RHAG: variants seen among roughly 807,000 people sequenced by gnomAD.
RHAG encodes the protein Rh associated glycoprotein.
Under a neutral mutation model 42.4 loss-of-function variants are expected in RHAG, and 25 were observed. The observed-to-expected ratio is 0.59, with a 90% CI of 0.43 to 0.82. RHAG has a LOEUF of 0.82. RHAG is among the 40% of genes least tolerant of loss of function. The pLI is 0.00. For missense variants in RHAG, 483 were observed against 504.6 expected (o/e 0.96, Z 0.41); for synonymous variants, 182 against 177.7 (o/e 1.02, Z -0.19).
chr6:49,607,067 A>T, intron 8 of RHAG, 83 bp downstream of exon 8: 1 of 1,327,416 alleles, frequency 7.5e-7, no homozygotes, highest in Non-Finnish European at 1.1e-6. Context: ...TTTTGAATTT[A>T]GCAATTGACT....
chr6:49,629,843 T>A (rs1436390436), intron 1 of RHAG, among the ~76,000 whole-genome samples: 1 of 142,918 alleles, frequency 7.0e-6, no homozygotes, highest in Non-Finnish European at 1.5e-5. Flanking sequence ...CTGCTCCGAG[T>A]GCGGGGCCCG....
intron 4 of RHAG, 97 bp downstream of exon 4, chr6:49,615,527 G>T: frequency 7.3e-7 from 1 of 1,365,446 alleles, no homozygotes; most frequent in Non-Finnish European, 1.0e-6. Flanking sequence ...TGCCTGGCTT[G>T]GATGTTCTTT....
rs181883330 is a variant in RHAG, at chr6:49,611,011, T to C, written c.1067+13A>G. On this transcript the variant is annotated intron_variant, in intron 7 of 9. Coordinates refer to ENST00000371175, the MANE Select transcript of RHAG (RefSeq NM_000324.3). ...GGGACCACAGGGGCTGAAAAACCCA[T>C]TCTTTTACTCACGTGTTGGAGGCGC... 3 of 1,613,724 alleles carry C rather than the reference T, an allele frequency of 1.9e-6. No individual in the cohort carries two copies. The highest frequency in any genetic ancestry group is 4.5e-5 in the East Asian group (2 of 44,864).
intron 1 of RHAG, among the ~76,000 whole-genome samples, chr6:49,620,560 G>A (rs559867233): frequency 4.6e-5 from 7 of 151,926 alleles, no homozygotes; most frequent in Admixed American, 3.3e-4. Flanking sequence ...GAGACAGAGC[G>A]AGACTCTGTC....
At chr6:49,626,293 G>A (rs143412672) in intron 1 of RHAG, among the ~76,000 whole-genome samples, 63 of 152,310 alleles carry the variant, frequency 4.1e-4, no homozygotes, top group African/African-American at 1.5e-3. Flanking sequence ...CCTAGACACA[G>A]TGGGGTTATA....
At chr6:49,632,982 A>G (rs6941100) in intron 1 of RHAG, among the ~76,000 whole-genome samples, 16 of 152,074 alleles carry the variant, frequency 1.1e-4, no homozygotes, top group Non-Finnish European at 1.9e-4. Flanking sequence ...ATCTCAGGGG[A>G]TATTCATGGC....
rs41304904 is a variant in RHAG at position 49,605,440 on chromosome 6, T to C, written c.*373A>G. The C allele has an allele frequency of 3.7e-6, 1 of 272,946 alleles. No homozygotes were observed. Among genetic ancestry groups the C allele is most frequent in the Non-Finnish European group, 7.1e-6 (1 of 141,004 alleles). 16.9% of individuals were successfully genotyped at this position (272,946 alleles called of 1,614,324 possible). ...TCTATTCTTGCTTCATGGGTTTCAGTTTTATAATTTTTGGGATTGAAGACA... is the reference window on the plus strand; with the variant it reads ...TCTATTCTTGCTTCATGGGTTTCAGCTTTATAATTTTTGGGATTGAAGACA... On this transcript the variant is annotated 3_prime_UTR_variant, in exon 10 of 10. Coordinates refer to ENST00000371175, the MANE Select transcript of RHAG (RefSeq NM_000324.3).
intron 3 of RHAG, 59 bp downstream of exon 3, chr6:49,618,009 T>A: frequency 6.5e-7 from 1 of 1,537,164 alleles, no homozygotes; most frequent in Admixed American, 1.7e-5. Context: ...CACCCATTGT[T>A]TTTTTGTAGC....
Position 49,607,132 on chromosome 6 carries a change from T to C in RHAG, c.1138+18A>G, listed in dbSNP as rs762945857. On this transcript the variant is annotated intron_variant, in intron 8 of 9. Coordinates refer to ENST00000371175, the MANE Select transcript of RHAG (RefSeq NM_000324.3). Reference sequence around the variant, plus strand: ...TGAGAGCATAAGATACAGGGAAGTGTTCACTTTTTATGCTGACCTGTCATC... The same window carrying C: ...TGAGAGCATAAGATACAGGGAAGTGCTCACTTTTTATGCTGACCTGTCATC... The C allele has an allele frequency of 1.4e-5, 22 of 1,600,172 alleles. No individual in the cohort carries two copies. The highest frequency in any genetic ancestry group is 1.9e-5 in the Non-Finnish European group (22 of 1,167,540).
chr6:49,618,392 A>G (rs1160713431), intron 2 of RHAG, among the ~76,000 whole-genome samples, 174 bp from the exon 3 acceptor site: 2 of 152,194 alleles, frequency 1.3e-5, no homozygotes, highest in African/African-American at 4.8e-5. Context: ...TCTAATGTAT[A>G]TATTTTAACT....
intron 1 of RHAG, among the ~76,000 whole-genome samples, chr6:49,636,165 T>C (rs1348197357): frequency 6.6e-6 from 1 of 152,122 alleles, no homozygotes; most frequent in Non-Finnish European, 1.5e-5. Flanking sequence ...AAACTCTGAG[T>C]ACACTTTTTT....
At chr6:49,630,969 C>T (rs972805795) in intron 1 of RHAG, among the ~76,000 whole-genome samples, 2 of 152,092 alleles carry the variant, frequency 1.3e-5, no homozygotes, top group African/African-American at 4.8e-5. Flanking sequence ...CTTTTCATTG[C>T]TGGTATTATT....
At chr6:49,616,372 A>AT (rs1762655924) in intron 3 of RHAG, among the ~76,000 whole-genome samples, 1 of 145,704 alleles carries the variant, frequency 6.9e-6, no homozygotes, top group African/African-American at 2.5e-5. Context: ...AAAAAAAAAA[A>AT]AAAGATACTG....
chr6:49,623,714 A>T (rs992795258), intron 1 of RHAG, among the ~76,000 whole-genome samples: 3 of 152,228 alleles, frequency 2.0e-5, no homozygotes, highest in Non-Finnish European at 4.4e-5. Flanking sequence ...GCTGTGGTGA[A>T]TAGGACAGCT....
In RHAG at chr6:49,614,808, A is replaced by G. The variant is rs1762627144; in HGVS notation, c.686T>C (p.Ile229Thr). 6.2e-7 allele frequency: 1 copy of G among 1,614,102 alleles called. No homozygotes were observed. The highest frequency in any genetic ancestry group is 1.3e-5 in the African/African-American group (1 of 74,944). Residue 229 changes from isoleucine (I) to threonine (T), a missense_variant, in exon 5 of 10, where the codon ATT becomes ACT. Physicochemically the swap from Ile to Thr is moderately conservative, Grantham distance 89 (BLOSUM62 -1). Transcript: ENST00000371175. ...GCACTGTTTGTCTCCAGGTTCAGCA[A>G]TGGCCGAGTTAAAGCTGGGCCAAAA... ...WMFWPSFNSA[I>T]AEPGDKQCRA...
intron 1 of RHAG, among the ~76,000 whole-genome samples, chr6:49,630,061 C>T (rs989913474): frequency 2.6e-5 from 4 of 152,198 alleles, no homozygotes; most frequent in African/African-American, 9.6e-5. Context: ...GCAGAGGAGG[C>T]GCCGAGAGCG....
At chr6:49,608,848 G>T (rs1484908978) in intron 7 of RHAG, among the ~76,000 whole-genome samples, 1 of 152,058 alleles carries the variant, frequency 6.6e-6, no homozygotes, top group Admixed American at 6.6e-5. Context: ...GATTATGAGT[G>T]AAGTTGAGTA....
intron 1 of RHAG, among the ~76,000 whole-genome samples, chr6:49,631,300 T>C (rs1242639313): frequency 6.6e-6 from 1 of 152,194 alleles, no homozygotes; most frequent in Non-Finnish European, 1.5e-5. Context: ...TGATTTTAGC[T>C]TCCATGATGA....
rs1324827449 is a variant in RHAG, at chr6:49,609,008, A to T, written c.1068-1788T>A. ...AACTTGGAAAACACTGATTTATACA[A>T]AATTAACAGCATTACTAGAGTTATG... On this transcript the variant is annotated intron_variant, in intron 7 of 9. Transcript: ENST00000371175. 3.9e-5 allele frequency among the ~76,000 whole-genome samples: 6 copies of T among 152,210 alleles called. No individual in the cohort carries two copies. The East Asian group carries it at 1.2e-3, about 29-fold the overall frequency.
Sources: allele counts gnomAD v4.1 joint callset (sites outside exome capture counted in the v4.1 genomes callset), GRCh38; gene constraint gnomAD v4.1.1; transcripts MANE v1.5; gene names NCBI Gene and HGNC (gene_info 2026-07-23, HGNC 2026-07-21).